GRM7: variants seen among roughly 807,000 people sequenced by gnomAD.
GRM7 encodes glutamate metabotropic receptor 7, also known as metabotropic glutamate receptor 7.
In GRM7, 35 loss-of-function variants were observed where a neutral mutation model predicts 84.5. The ratio of observed to expected loss-of-function variants is 0.41; its 90% confidence interval spans 0.32 to 0.55. GRM7 has a LOEUF of 0.55. Ranked by LOEUF, GRM7 falls within the 20% of genes least tolerant of loss-of-function variation. The pLI is 0.19. For synonymous variants in GRM7, 487 were observed against 455.1 expected (o/e 1.07, Z -0.89); for missense variants, 1,003 against 1,194.6 (o/e 0.84, Z 2.36).
chr3:7,576,174 C>T (rs186195746), intron 7 of GRM7, among the ~76,000 whole-genome samples: 143 of 152,270 alleles, frequency 9.4e-4, no homozygotes, highest in African/African-American at 2.8e-3. Context: ...TAGGTTCCAA[C>T]TCTTGAAATT....
chr3:7,305,380 A>T (rs56120020), intron 3 of GRM7, among the ~76,000 whole-genome samples: 1 of 82,904 alleles, frequency 1.2e-5, no homozygotes. Context: ...AAGTTTTAGG[A>T]TACATGTGCA....
chr3:7,201,920 G>A (rs1204044684), intron 2 of GRM7, among the ~76,000 whole-genome samples: 1 of 152,176 alleles, frequency 6.6e-6, no homozygotes, highest in Non-Finnish European at 1.5e-5. Context: ...TTCGGAACAA[G>A]ATTTAATGTA....
At chr3:7,285,690 A>AAT (rs1216012561) in intron 2 of GRM7, among the ~76,000 whole-genome samples, 1 of 152,024 alleles carries the variant, frequency 6.6e-6, no homozygotes, top group Non-Finnish European at 1.5e-5. Flanking sequence ...CTACCTACCA[A>AAT]ATAGTTTTTT....
chr3:7,055,801 A>G (rs549365993), intron 1 of GRM7, among the ~76,000 whole-genome samples: 1 of 151,988 alleles, frequency 6.6e-6, no homozygotes, highest in Non-Finnish European at 1.5e-5. Flanking sequence ...GATTACAGGC[A>G]TGAGCCAGTG....
Position 7,108,126 on chromosome 3 carries a change from T to C in GRM7, c.520-38326T>C, listed in dbSNP as rs188025974. Among the ~76,000 whole-genome samples, 112 of 152,242 alleles carry C rather than the reference T, an allele frequency of 7.4e-4. 1 individual carries two copies. Among genetic ancestry groups the C allele is most frequent in the African/African-American group, 2.5e-3 (102 of 41,582 alleles). On this transcript the variant is annotated intron_variant, in intron 1 of 9. Coordinates refer to ENST00000357716, the MANE Select transcript of GRM7 (RefSeq NM_000844.4). ...TTTAGTGAAAATGGTGTCTGTGCTA[T>C]GATTGGAGATCATTTACCTTCATAA...
chr3:6,930,734 T>C (rs1697471101), intron 1 of GRM7, among the ~76,000 whole-genome samples: 1 of 152,210 alleles, frequency 6.6e-6, no homozygotes, highest in Non-Finnish European at 1.5e-5. Flanking sequence ...AGGTTGATCA[T>C]TTCTAAGTGT....
chr3:7,026,587 A>G (rs562424954), intron 1 of GRM7, among the ~76,000 whole-genome samples: 2 of 152,344 alleles, frequency 1.3e-5, no homozygotes, highest in Non-Finnish European at 2.9e-5. Context: ...ACGTAAAAGA[A>G]AAACATCTTC....
At chr3:6,958,213 T>C (rs750979872) in intron 1 of GRM7, among the ~76,000 whole-genome samples, 11 of 144,944 alleles carry the variant, frequency 7.6e-5, no homozygotes, top group Non-Finnish European at 1.0e-4. Flanking sequence ...TTACATTTCC[T>C]AGAATTTTAT....
intron 4 of GRM7, among the ~76,000 whole-genome samples, chr3:7,390,475 A>C (rs528037681): frequency 1.3e-5 from 2 of 152,222 alleles, no homozygotes; most frequent in South Asian, 4.1e-4. Flanking sequence ...CAGGAATGCC[A>C]ATAAATCATA....
chr3:7,068,205 CT>C (rs1366227748), intron 1 of GRM7, among the ~76,000 whole-genome samples: 3 of 151,944 alleles, frequency 2.0e-5, no homozygotes, highest in African/African-American at 7.2e-5. Context: ...ACATGTACAC[CT>C]TTCTAAATCA....
rs763792995 is a variant in GRM7, at chr3:7,709,337, T to G, written c.2698+29042T>G. On this transcript the variant is annotated intron_variant, in intron 9 of 9. Transcript: ENST00000357716. ...AACTTTGATAGAAAAATGGCATAGT[T>G]TGGAACAGAGAGTTTGGGTCAATAT... 6.1e-3 allele frequency among the ~76,000 whole-genome samples: 925 copies of G among 152,254 alleles called. 11 individuals carry two copies. The highest frequency in any genetic ancestry group is 0.02 in the Middle Eastern group (6 of 294).
intron 1 of GRM7, among the ~76,000 whole-genome samples, chr3:6,886,614 A>AT (rs559583949): frequency 2.6e-5 from 4 of 151,592 alleles, no homozygotes; most frequent in Non-Finnish European, 5.9e-5. Flanking sequence ...ATTCCTCATG[A>AT]TTTTTTTTCT....
At chr3:6,938,597 T>C (rs971575001) in intron 1 of GRM7, among the ~76,000 whole-genome samples, 5 of 152,182 alleles carry the variant, frequency 3.3e-5, no homozygotes, top group African/African-American at 4.8e-5. Flanking sequence ...ATTGACACCA[T>C]TGACAAAATC....
intron 8 of GRM7, among the ~76,000 whole-genome samples, chr3:7,669,985 A>C (rs1282220750): frequency 6.8e-6 from 1 of 147,278 alleles, no homozygotes; most frequent in Admixed American, 6.6e-5. Flanking sequence ...AGAGGGGCGT[A>C]ATGAGGGGTT....
intron 8 of GRM7, among the ~76,000 whole-genome samples, chr3:7,590,454 G>A (rs1488810406): frequency 6.6e-6 from 1 of 152,152 alleles, no homozygotes; most frequent in African/African-American, 2.4e-5. Context: ...TTGAATAGCT[G>A]TGACAGAGAT....
At chr3:7,513,743 C>T (rs915680306) in intron 7 of GRM7, among the ~76,000 whole-genome samples, 3 of 152,060 alleles carry the variant, frequency 2.0e-5, no homozygotes, top group African/African-American at 7.2e-5. Context: ...CTGATATGCC[C>T]ATAATAATAA....
chr3:7,092,206 G>A (rs1173881406), intron 1 of GRM7, among the ~76,000 whole-genome samples: 1 of 152,096 alleles, frequency 6.6e-6, no homozygotes, highest in African/African-American at 2.4e-5. Context: ...AATTAATGAT[G>A]TGTCAGAACA....
intron 1 of GRM7, among the ~76,000 whole-genome samples, chr3:7,029,310 A>C (rs549614990): frequency 0.027 from 2,952 of 110,204 alleles, 120 homozygotes; most frequent in African/African-American, 0.076. Flanking sequence ...TCAAAAAAAA[A>C]AAAACAAAAA....
At chr3:7,691,307 T>C in intron 9 of GRM7, 1 of 1,254,958 alleles carries the variant, frequency 8.0e-7, no homozygotes, top group Non-Finnish European at 1.0e-6. Flanking sequence ...AAACATGACA[T>C]GGATCAGCAA....
Sources: allele counts gnomAD v4.1 joint callset (sites outside exome capture counted in the v4.1 genomes callset), GRCh38; gene constraint gnomAD v4.1.1; transcripts MANE v1.5; gene names NCBI Gene and HGNC (gene_info 2026-07-23, HGNC 2026-07-21).